Variants in SHANK2 observed in about 807,000 individuals in gnomAD.
The protein encoded by SHANK2 is SH3 and multiple ankyrin repeat domains protein 2.
SHANK2 carries 43 observed loss-of-function variants against 133.7 expected under a neutral mutation model. The observed-to-expected ratio is 0.32, with a 90% CI of 0.25 to 0.41. The LOEUF (loss-of-function observed/expected upper bound fraction) is 0.41, where lower values mean the gene tolerates loss of function less well. Ranked by LOEUF, SHANK2 falls within the 10% of genes least tolerant of loss-of-function variation. The probability of loss-of-function intolerance (pLI) is 1.00; values close to 1 mark genes in which losing one functional copy is unlikely to be tolerated. For synonymous variants in SHANK2, 1,017 were observed against 952.8 expected (o/e 1.07, Z -1.24); for missense variants, 1,994 against 2,235.8 (o/e 0.89, Z 2.18).
chr11:70,890,213 T>C (rs1949817744), intron 11 of SHANK2, among the ~76,000 whole-genome samples: 1 of 152,122 alleles, frequency 6.6e-6, no homozygotes, highest in Admixed American at 6.5e-5. Flanking sequence ...CAATGAAGAC[T>C]TGTCACCAGG....
chr11:70,569,603 G>A lies in SHANK2; in HGVS notation c.2062-66672C>T, dbSNP rs868941330. On this transcript the variant is annotated intron_variant, in intron 17 of 25. Coordinates refer to ENST00000601538, the MANE Select transcript of SHANK2 (RefSeq NM_012309.5). This position sits in a 1 kb window ranked among gnomAD's most constrained non-coding sequence, Gnocchi z 5.1. Reference sequence around the variant, plus strand: ...CTCCCCACGTGGAGGATACCGAGGAGGTTAGGACAGCCCTCGGGCTCAGGA... The same window carrying A: ...CTCCCCACGTGGAGGATACCGAGGAAGTTAGGACAGCCCTCGGGCTCAGGA... Among the ~76,000 whole-genome samples the A allele has an allele frequency of 1.3e-5, 2 of 152,304 alleles. No homozygotes were observed. Among genetic ancestry groups the A allele is most frequent in the Non-Finnish European group, 1.5e-5 (1 of 68,024 alleles).
chr11:70,741,426 ATCT>A (rs1388947797), intron 14 of SHANK2, among the ~76,000 whole-genome samples: 2 of 152,170 alleles, frequency 1.3e-5, no homozygotes, highest in Admixed American at 6.5e-5. Context: ...ACCAACAGGT[ATCT>A]TCTTCTACCT....
At chr11:70,675,475 T>C (rs1475181615) in intron 15 of SHANK2, among the ~76,000 whole-genome samples, 1 of 152,194 alleles carries the variant, frequency 6.6e-6, no homozygotes, top group Non-Finnish European at 1.5e-5. Flanking sequence ...TCTGAACCAC[T>C]GTGGGTTACT....
intron 14 of SHANK2, among the ~76,000 whole-genome samples, chr11:70,711,449 T>C (rs1325659922): frequency 6.6e-6 from 1 of 152,242 alleles, no homozygotes; most frequent in Non-Finnish European, 1.5e-5. Context: ...AAATTACTGA[T>C]GGGGATGAAA....
chr11:71,057,288 C>T (rs940354064), intron 9 of SHANK2, among the ~76,000 whole-genome samples: 2 of 152,022 alleles, frequency 1.3e-5, no homozygotes, highest in Non-Finnish European at 2.9e-5. Flanking sequence ...GAGCCGAGAT[C>T]GCACCCACTG....
chr11:70,758,440 C>T (rs960456592), intron 14 of SHANK2, among the ~76,000 whole-genome samples: 21 of 152,330 alleles, frequency 1.4e-4, no homozygotes, highest in African/African-American at 4.3e-4. Flanking sequence ...AGCGAGGCGG[C>T]GCCCATTGCT....
chr11:70,629,542 G>A (rs1312227914), intron 17 of SHANK2, among the ~76,000 whole-genome samples: 1 of 152,092 alleles, frequency 6.6e-6, no homozygotes, highest in African/African-American at 2.4e-5. Flanking sequence ...GGCCGCATGT[G>A]GTGGGAAGGG....
intron 17 of SHANK2, among the ~76,000 whole-genome samples, chr11:70,656,675 G>A (rs1258244207): frequency 6.6e-6 from 1 of 152,058 alleles, no homozygotes; most frequent in Non-Finnish European, 1.5e-5. Flanking sequence ...GTCCCTACCC[G>A]TGGGACATTC....
At chr11:70,945,530 C>T (rs1189734940) in intron 10 of SHANK2, among the ~76,000 whole-genome samples, 8 of 152,200 alleles carry the variant, frequency 5.3e-5, no homozygotes, top group African/African-American at 1.2e-4. Context: ...AGACTGCCAC[C>T]TCACCACAAC....
chr11:70,942,249 T>A (rs371846551), intron 10 of SHANK2, among the ~76,000 whole-genome samples: 120 of 152,172 alleles, frequency 7.9e-4, no homozygotes, highest in African/African-American at 2.7e-3. Flanking sequence ...GTGTGGGAAG[T>A]TCAAGGGCAT....
chr11:70,735,682 T>A (rs1555033364), intron 14 of SHANK2, among the ~76,000 whole-genome samples: 1 of 140,522 alleles, frequency 7.1e-6, no homozygotes, highest in Admixed American at 7.2e-5. Context: ...CCAGCCTGGG[T>A]GACAGGGTGA....
At chr11:70,914,748 C>T (rs747916319) in intron 10 of SHANK2, among the ~76,000 whole-genome samples, 10 of 110,964 alleles carry the variant, frequency 9.0e-5, no homozygotes, top group Non-Finnish European at 1.8e-4. Flanking sequence ...AAAATTAGCC[C>T]AGCGTGGTAG....
chr11:71,083,296 T>C (rs1951326274), intron 8 of SHANK2, among the ~76,000 whole-genome samples: 1 of 152,006 alleles, frequency 6.6e-6, no homozygotes, highest in African/African-American at 2.4e-5. Context: ...ATGATGACAA[T>C]GATGACAATG....
At position 70,640,608 on chromosome 11, in the gene SHANK2, C is replaced by A. The variant is rs909160175; in HGVS notation, c.2061+19220G>T. Among the ~76,000 whole-genome samples, 3 of 152,246 alleles carry A rather than the reference C, an allele frequency of 2.0e-5. No homozygotes were observed. The South Asian group carries it at 6.2e-4, about 32-fold the overall frequency. On this transcript the variant is annotated intron_variant, in intron 17 of 25. Transcript: ENST00000601538. ...GGACTGCACGAAGCTGAGGCCCGAG[C>A]CCTGACCTGGGATCACAGGCATGTG...
chr11:71,126,021 C>A (rs1952177699), intron 3 of SHANK2, among the ~76,000 whole-genome samples: 1 of 151,928 alleles, frequency 6.6e-6, no homozygotes, highest in Admixed American at 6.6e-5. Context: ...AGACAGAGAC[C>A]AGCCTGGCCA....
At position 70,686,304 on chromosome 11, in the gene SHANK2, A is replaced by G. The variant is rs1214090492; in HGVS notation, c.1853+12384T>C. On this transcript the variant is annotated intron_variant, in intron 15 of 25. Coordinates refer to ENST00000601538, the MANE Select transcript of SHANK2 (RefSeq NM_012309.5). Reference sequence around the variant, plus strand: ...TATCCAGCCATCCATCCTTCCTTCCATCTATCCATCATCCATCTACCCATC... The same window carrying G: ...TATCCAGCCATCCATCCTTCCTTCCGTCTATCCATCATCCATCTACCCATC... Among the ~76,000 whole-genome samples, 4 of 128,030 alleles carry G rather than the reference A, an allele frequency of 3.1e-5. No homozygotes were observed. In the East Asian group the frequency reaches 9.7e-4, roughly 31 times the overall value. 84.0% of individuals were successfully genotyped at this position (128,030 alleles called of 152,430 possible).
intron 13 of SHANK2, among the ~76,000 whole-genome samples, chr11:70,799,830 C>T (rs531318343): frequency 1.3e-5 from 2 of 152,276 alleles, no homozygotes; most frequent in African/African-American, 4.8e-5. Context: ...AATGAACATC[C>T]GCTGGAAGAA....
At chr11:70,742,291 C>G (rs1946544846) in intron 14 of SHANK2, among the ~76,000 whole-genome samples, 1 of 152,154 alleles carries the variant, frequency 6.6e-6, no homozygotes, top group South Asian at 2.1e-4. Context: ...GACTGTTGCG[C>G]ACTCTGGGAA....
intron 3 of SHANK2, among the ~76,000 whole-genome samples, chr11:71,122,957 G>A (rs1388160844): frequency 6.6e-6 from 1 of 152,136 alleles, no homozygotes; most frequent in Admixed American, 6.5e-5. Context: ...ATAAACGTGT[G>A]AATCACCTGC....
Sources: allele counts gnomAD v4.1 joint callset (sites outside exome capture counted in the v4.1 genomes callset), GRCh38; gene constraint gnomAD v4.1.1; non-coding constraint Gnocchi (gnomAD v3.1); transcripts MANE v1.5; gene names NCBI Gene and HGNC (gene_info 2026-07-23, HGNC 2026-07-21).